The following SCMH1 variants were observed in gnomAD, a reference collection of about 807,000 sequenced individuals.
SCMH1 encodes Scm polycomb group protein homolog 1.
In SCMH1, 37 loss-of-function variants were observed where a neutral mutation model predicts 70.8. The observed-to-expected ratio is 0.52, with a 90% CI of 0.40 to 0.69. The LOEUF (loss-of-function observed/expected upper bound fraction) is 0.69, where lower values mean the gene tolerates loss of function less well. Ranked by LOEUF, SCMH1 falls within the 30% of genes least tolerant of loss-of-function variation. The pLI, the probability that SCMH1 is intolerant of heterozygous loss-of-function variation, is 0.00. For missense variants in SCMH1, 607 were observed against 827.3 expected (o/e 0.73, Z 3.27); for synonymous variants, 292 against 307.4 (o/e 0.95, Z 0.52).
intron 2 of SCMH1, among the ~76,000 whole-genome samples, chr1:41,183,307 C>T (rs1049422914): frequency 6.6e-6 from 1 of 152,150 alleles, no homozygotes; most frequent in African/African-American, 2.4e-5. Context: ...CATTATTTTT[C>T]TAAAATACAA....
intron 1 of SCMH1, among the ~76,000 whole-genome samples, chr1:41,207,532 T>C (rs1655850437): frequency 6.6e-6 from 1 of 152,140 alleles, no homozygotes; most frequent in African/African-American, 2.4e-5. Flanking sequence ...AGCACCCAGA[T>C]TCATAAAGCA....
chr1:41,093,068 G>A (rs1003227780), intron 8 of SCMH1, among the ~76,000 whole-genome samples: 68 of 152,150 alleles, frequency 4.5e-4, no homozygotes, highest in African/African-American at 8.9e-4. Flanking sequence ...AAAGACACAC[G>A]CACACATATG....
At position 41,034,067 on chromosome 1, in the gene SCMH1, G is replaced by A. The variant is rs887657213; in HGVS notation, c.1678+3295C>T. On this transcript the variant is annotated intron_variant, in intron 13 of 14. Transcript: ENST00000337495. ...AACACTCCTGTGGAAAGACCAGGTT[G>A]GTGTCACCATCTCCAGTTTGCACAT... 1 of 1,596,338 alleles carries A rather than the reference G, an allele frequency of 6.3e-7. No individual in the cohort carries two copies. Among genetic ancestry groups the A allele is most frequent in the Non-Finnish European group, 8.5e-7 (1 of 1,170,692 alleles).
At chr1:41,106,176 A>G (rs1396614003) in intron 8 of SCMH1, among the ~76,000 whole-genome samples, 1 of 151,662 alleles carries the variant, frequency 6.6e-6, no homozygotes, top group Non-Finnish European at 1.5e-5. Flanking sequence ...CGCCCAGCCA[A>G]TAGTTCTTGA....
At chr1:41,204,130 T>C (rs1331856671) in intron 1 of SCMH1, among the ~76,000 whole-genome samples, 1 of 152,186 alleles carries the variant, frequency 6.6e-6, no homozygotes, top group Non-Finnish European at 1.5e-5. Flanking sequence ...TATCTTATAA[T>C]TTGCCCAAGG....
chr1:41,078,876 A>C (rs1191997463), intron 8 of SCMH1, among the ~76,000 whole-genome samples: 1 of 152,242 alleles, frequency 6.6e-6, no homozygotes, highest in African/African-American at 2.4e-5. Flanking sequence ...ATGTGAGTTG[A>C]TACAAAAGGA....
At chr1:41,041,031 C>T (rs1013486612) in intron 12 of SCMH1, among the ~76,000 whole-genome samples, 1 of 152,102 alleles carries the variant, frequency 6.6e-6, no homozygotes, top group Non-Finnish European at 1.5e-5. Flanking sequence ...ATGTGTTGGG[C>T]TAGATACTAG....
At chr1:41,046,348 C>T (rs1257066910) in intron 12 of SCMH1, 59 bp downstream of exon 12, 3 of 1,472,812 alleles carry the variant, frequency 2.0e-6, no homozygotes, top group Admixed American at 1.7e-5. Context: ...TGGGCCCCTG[C>T]AGGTGCTGCT....
chr1:41,198,040 C>T (rs1195672171), intron 1 of SCMH1, among the ~76,000 whole-genome samples: 1 of 152,168 alleles, frequency 6.6e-6, no homozygotes, highest in Non-Finnish European at 1.5e-5. Context: ...CTCTGGACCT[C>T]AATTTCTACA....
At chr1:41,168,499 TTCTA>T in intron 2 of SCMH1, among the ~76,000 whole-genome samples, 1 of 152,298 alleles carries the variant, frequency 6.6e-6, no homozygotes, top group East Asian at 1.9e-4. Flanking sequence ...ATTTTATACT[TTCTA>T]TCTCTTTGTC....
chr1:41,137,074 C>G (rs1572498500), intron 6 of SCMH1, among the ~76,000 whole-genome samples: 1 of 152,218 alleles, frequency 6.6e-6, no homozygotes, highest in East Asian at 1.9e-4. Context: ...AATTACCATG[C>G]CCGGCCAGGA....
At chr1:41,226,960 T>C (rs1026063231) in intron 1 of SCMH1, among the ~76,000 whole-genome samples, 1 of 152,028 alleles carries the variant, frequency 6.6e-6, no homozygotes, top group Non-Finnish European at 1.5e-5. Context: ...AACCCTGAGG[T>C]GGGATGGGCC....
intron 8 of SCMH1, among the ~76,000 whole-genome samples, chr1:41,105,187 C>A (rs893573442): frequency 3.3e-5 from 5 of 151,568 alleles, no homozygotes; most frequent in Admixed American, 3.3e-4. Flanking sequence ...TGGTCTTGAA[C>A]TCTGGTCCTC....
At chr1:41,033,134 A>T (rs1267667903) in intron 13 of SCMH1, among the ~76,000 whole-genome samples, 1 of 152,104 alleles carries the variant, frequency 6.6e-6, no homozygotes, top group Non-Finnish European at 1.5e-5. Flanking sequence ...TCTGCAAAAA[A>T]TTAGCTAGGT....
At chr1:41,209,615 C>T (rs1358022251) in intron 1 of SCMH1, among the ~76,000 whole-genome samples, 2 of 152,190 alleles carry the variant, frequency 1.3e-5, no homozygotes, top group Non-Finnish European at 2.9e-5. Context: ...TCGACAAAAA[C>T]CACATGATTA....
intron 1 of SCMH1, among the ~76,000 whole-genome samples, chr1:41,207,976 C>G: frequency 7.5e-6 from 1 of 133,062 alleles, no homozygotes; most frequent in African/African-American, 2.9e-5. Flanking sequence ...CACATGCACA[C>G]GTATGTTTAT....
chr1:41,192,492 G>C (rs961488690), intron 1 of SCMH1, among the ~76,000 whole-genome samples: 2 of 72,300 alleles, frequency 2.8e-5, no homozygotes, highest in Non-Finnish European at 3.5e-5. Context: ...GGATTAAATA[G>C]GAGACACACA....
chr1:41,161,281 T>C, intron 3 of SCMH1, 83 bp downstream of exon 3: 2 of 1,541,946 alleles, frequency 1.3e-6, no homozygotes, highest in East Asian at 4.9e-5. Flanking sequence ...ATTTGTAAAC[T>C]CAGACCTCTA....
At chr1:41,173,817 T>C (rs1305650537) in intron 2 of SCMH1, among the ~76,000 whole-genome samples, 1 of 152,162 alleles carries the variant, frequency 6.6e-6, no homozygotes, top group Non-Finnish European at 1.5e-5. Context: ...TGTGGCAACA[T>C]GGATTAGCTT....
Sources: gnomAD v4.1 joint callset for allele counts (sites outside exome capture counted in the v4.1 genomes callset) on GRCh38, gnomAD v4.1.1 for gene constraint, MANE v1.5 for transcripts, NCBI Gene and HGNC (gene_info 2026-07-23, HGNC 2026-07-21) for gene names.